Variants in RP1 observed in about 807,000 individuals in gnomAD.
RP1 encodes the protein oxygen-regulated protein 1.
Under a neutral mutation model 14.8 loss-of-function variants are expected in RP1, and 16 were observed. The ratio of observed to expected loss-of-function variants is 1.08; its 90% CI spans 0.73 to 1.65. RP1 has a LOEUF of 1.65. Among genes scored for constraint, RP1 ranks in the 40% most tolerant of loss-of-function variants. RP1 has a pLI of 0.00. For missense variants in RP1, 2,631 were observed against 2,535.0 expected (o/e 1.04, Z -0.81); for synonymous variants, 876 against 883.6 (o/e 0.99, Z 0.15).
chr8:54,840,027 A>T (rs568188932), intron 25 of RP1, among the ~76,000 whole-genome samples: 1 of 152,206 alleles, frequency 6.6e-6, no homozygotes, highest in Admixed American at 6.5e-5. Flanking sequence ...ATGAAGTGGG[A>T]AAAATGAAGG....
At chr8:54,563,709 C>A (rs1399896285) in intron 1 of RP1, among the ~76,000 whole-genome samples, 1 of 152,004 alleles carries the variant, frequency 6.6e-6, no homozygotes, top group Admixed American at 6.6e-5. Context: ...CTGTGCCTGA[C>A]TAATTTATTT....
chr8:54,612,681 T>C (rs62514597), upstream of RP1, among the ~76,000 whole-genome samples: 12,470 of 152,256 alleles, frequency 0.082, 720 homozygotes, highest in Non-Finnish European at 0.12. Context: ...CTCATCTCAC[T>C]TAAAGTTAAA....
intron 22 of RP1, among the ~76,000 whole-genome samples, chr8:54,764,156 G>A (rs903060754): frequency 6.6e-5 from 10 of 152,208 alleles, no homozygotes; most frequent in African/African-American, 2.4e-4. Flanking sequence ...CCTGCAGGCA[G>A]GTGAGGCAGG....
chr8:54,858,946 A>G (rs915953164), intron 27 of RP1, among the ~76,000 whole-genome samples: 26 of 151,550 alleles, frequency 1.7e-4, no homozygotes, highest in Middle Eastern at 7.0e-3. Context: ...GTGCACCGCC[A>G]TGGCACTGTA....
chr8:54,566,194 G>A (rs1004938737), intron 1 of RP1, among the ~76,000 whole-genome samples: 17 of 152,296 alleles, frequency 1.1e-4, no homozygotes, highest in African/African-American at 3.8e-4. Flanking sequence ...TGAATCTGGA[G>A]TGGAGCTCAG....
At chr8:54,697,064 G>A in intron 12 of RP1, 1 of 1,574,108 alleles carries the variant, frequency 6.4e-7, no homozygotes, top group Non-Finnish European at 8.6e-7. Context: ...AAATAGAGTG[G>A]GCTTCCTCAA....
intron 1 of RP1, among the ~76,000 whole-genome samples, chr8:54,575,498 A>G (rs1246471111): frequency 6.6e-6 from 1 of 152,176 alleles, no homozygotes; most frequent in Non-Finnish European, 1.5e-5. Flanking sequence ...TGGAGAATGG[A>G]ATAGCCATCC....
At chr8:54,696,997 G>T (rs1252469969) in intron 12 of RP1, 1 of 1,409,622 alleles carries the variant, frequency 7.1e-7, no homozygotes, top group Non-Finnish European at 9.9e-7. Context: ...ATCATTTCCA[G>T]GAGATCTCAT....
intron 1 of RP1, among the ~76,000 whole-genome samples, chr8:54,583,582 T>C (rs1463278313): frequency 2.6e-5 from 4 of 152,254 alleles, no homozygotes; most frequent in Admixed American, 1.3e-4. Context: ...ATGGTACCAG[T>C]TCCTCCTTGT....
rs114696945 is a variant in RP1, at chr8:54,705,255, A to T, written c.1999-1188A>T. 3.0e-3 allele frequency among the ~76,000 whole-genome samples: 455 copies of T among 152,268 alleles called. 3 individuals are homozygous for T. Among genetic ancestry groups the T allele is most frequent in the African/African-American group, 9.8e-3 (406 of 41,574 alleles). On this transcript the variant is annotated intron_variant, in intron 14 of 22. Coordinates refer to the RP1 transcript ENST00000636932. ...TACTCAAAGTTACAGTTTATTATAG[A>T]GAAAGGATACAGATTAAAATTGGCT...
intron 1 of RP1, among the ~76,000 whole-genome samples, chr8:54,565,743 C>G (rs912132484): frequency 5.9e-5 from 9 of 152,266 alleles, no homozygotes; most frequent in Admixed American, 5.9e-4. Context: ...CTGGCCTGGT[C>G]TCTCATCAGA....
rs187211306 is a variant in RP1, at chr8:54,619,060, G to A, written c.-12-1895G>A. 1.6e-4 allele frequency among the ~76,000 whole-genome samples: 24 copies of A among 152,368 alleles called. No homozygotes were observed. The East Asian group carries it at 4.2e-3, about 27-fold the overall frequency. ...CTCAAGGTCAGACCACAGTTGACCA[G>A]ATGAGGATGAGAAGAGGTTGCAGTT... On this transcript the variant is annotated intron_variant, in intron 1 of 3. Transcript: ENST00000220676.
intron 1 of RP1, among the ~76,000 whole-genome samples, chr8:54,578,916 G>A (rs927345831): frequency 3.3e-5 from 5 of 152,134 alleles, no homozygotes; most frequent in African/African-American, 1.2e-4. Flanking sequence ...TACAACCCAT[G>A]CCTGCCTCAT....
At chr8:54,573,294 G>A (rs183055017) in intron 1 of RP1, among the ~76,000 whole-genome samples, 1 of 148,252 alleles carries the variant, frequency 6.7e-6, no homozygotes, top group African/African-American at 2.4e-5. Flanking sequence ...GAACCAAGGT[G>A]TAAAGTCTGC....
At chr8:54,770,124 A>G, downstream of RP1, 1 of 403,110 alleles carries the variant, frequency 2.5e-6, no homozygotes, top group Non-Finnish European at 4.4e-6. Context: ...TTTTTGCAGA[A>G]ATGCAAATAA....
chr8:54,598,183 T>A (rs895755199), intron 1 of RP1, among the ~76,000 whole-genome samples: 47 of 152,336 alleles, frequency 3.1e-4, no homozygotes, highest in African/African-American at 1.1e-3. Flanking sequence ...ATATTATTTT[T>A]TGTTTTCTAT....
intron 22 of RP1, among the ~76,000 whole-genome samples, chr8:54,764,819 T>A (rs1306572648): frequency 2.6e-5 from 4 of 151,246 alleles, no homozygotes; most frequent in African/African-American, 9.7e-5. Context: ...CTATGACACA[T>A]ATAAACAAAA....
At chr8:54,779,913 G>T (rs1418332589) in intron 23 of RP1, among the ~76,000 whole-genome samples, 1 of 152,180 alleles carries the variant, frequency 6.6e-6, no homozygotes, top group Non-Finnish European at 1.5e-5. Context: ...GTTATCTATT[G>T]CTGTGTGAAA....
intron 1 of RP1, among the ~76,000 whole-genome samples, chr8:54,602,914 G>A (rs371358472): frequency 6.6e-6 from 1 of 151,870 alleles, no homozygotes; most frequent in East Asian, 1.9e-4. Context: ...TTTGTTTGAG[G>A]TCATTGTAGA....
Sources: gnomAD v4.1 joint callset for allele counts (sites outside exome capture counted in the v4.1 genomes callset) on GRCh38, gnomAD v4.1.1 for gene constraint, MANE v1.5 for transcripts, NCBI Gene and HGNC (gene_info 2026-07-23, HGNC 2026-07-21) for gene names.